PDE3B: variants seen among roughly 807,000 people sequenced by gnomAD.
PDE3B encodes the protein cGMP-inhibited 3',5'-cyclic phosphodiesterase 3B.
A neutral mutation model predicts 116.8 loss-of-function variants in PDE3B; 66 were observed. That is an observed-to-expected ratio of 0.56 (90% CI 0.46 to 0.69). PDE3B has a LOEUF of 0.69. Ranked by LOEUF, PDE3B falls within the 30% of genes least tolerant of loss-of-function variation. The probability of loss-of-function intolerance (pLI) is 0.00; values close to 1 mark genes in which losing one functional copy is unlikely to be tolerated. For synonymous variants in PDE3B, 595 were observed against 533.6 expected, an observed-to-expected ratio of 1.12 and a Z score of -1.59; for missense variants, 1,384 against 1,368.1, an observed-to-expected ratio of 1.01 and a Z score of -0.18.
At chr11:14,647,148 T>C (rs1352624279) in intron 1 of PDE3B, among the ~76,000 whole-genome samples, 2 of 151,920 alleles carry the variant, frequency 1.3e-5, no homozygotes, top group Non-Finnish European at 2.9e-5. Context: ...ATCAGTACTT[T>C]TATGGAAGTA....
Position 14,843,851 on chromosome 11 carries a change from G to A in PDE3B, c.2345G>A (p.Gly782Glu). ...ETDSDGRINH[G>E]RIAYISSKSC... ...GATTCTGATGGTAGAATTAACCATG[G>A]GCGAATTGCTTATATTTCTTCGAAG... The change falls in exon 12 of 16, where the codon GGG becomes GAG. Residue 782 changes from glycine (G) to glutamate (E), a missense_variant. Transcript: ENST00000282096. 6.2e-7 allele frequency: 1 copy of A among 1,613,866 alleles called. No individual in the cohort carries two copies. The highest frequency in any genetic ancestry group is 8.5e-7 in the Non-Finnish European group (1 of 1,179,822).
At chr11:14,865,046 C>T (rs560139977) in intron 14 of PDE3B, among the ~76,000 whole-genome samples, 5 of 152,054 alleles carry the variant, frequency 3.3e-5, no homozygotes, top group Non-Finnish European at 7.4e-5. Context: ...ATCAATGAAT[C>T]CAGGAGCTGG....
intron 2 of PDE3B, among the ~76,000 whole-genome samples, chr11:14,784,514 G>A (rs1015776363): frequency 2.6e-5 from 4 of 152,050 alleles, no homozygotes; most frequent in Admixed American, 6.6e-5. Context: ...AAGGGCAACC[G>A]CTAAGAAAAC....
At chr11:14,801,566 G>A (rs1858765574) in intron 4 of PDE3B, among the ~76,000 whole-genome samples, 1 of 152,222 alleles carries the variant, frequency 6.6e-6, no homozygotes, top group Non-Finnish European at 1.5e-5. Flanking sequence ...TGGGGTGTCT[G>A]TCCGCCCCTA....
chr11:14,741,956 TC>T lies in PDE3B; in HGVS notation c.979-29979del, dbSNP rs375933108. Among the ~76,000 whole-genome samples the T allele has an allele frequency of 2.6e-3, 391 of 152,248 alleles. 2 individuals carry two copies. Among genetic ancestry groups the T allele is most frequent in the African/African-American group, 8.2e-3 (339 of 41,494 alleles). ...GGCTTGTAGAGTTTCTGCCGAGAGATCCGCTGTTAGTCTGATGGGCTTCCCT... is the reference window on the plus strand; with the variant it reads ...GGCTTGTAGAGTTTCTGCCGAGAGATCGCTGTTAGTCTGATGGGCTTCCCT... On this transcript the variant is annotated intron_variant, in intron 1 of 15. Transcript: ENST00000282096.
At chr11:14,778,233 C>T (rs1590135778) in intron 2 of PDE3B, among the ~76,000 whole-genome samples, 2 of 152,226 alleles carry the variant, frequency 1.3e-5, no homozygotes, top group South Asian at 2.1e-4. Context: ...GACTCCACCT[C>T]TGGGGGCAGG....
At chr11:14,655,730 A>G (rs1227433254) in intron 1 of PDE3B, among the ~76,000 whole-genome samples, 1 of 152,184 alleles carries the variant, frequency 6.6e-6, no homozygotes, top group Non-Finnish European at 1.5e-5. Flanking sequence ...TGAAGGACAT[A>G]TTATATAAGA....
intron 1 of PDE3B, among the ~76,000 whole-genome samples, chr11:14,727,575 T>G (rs983382158): frequency 2.0e-5 from 3 of 152,172 alleles, no homozygotes; most frequent in Non-Finnish European, 4.4e-5. Flanking sequence ...AGTTAATACT[T>G]CTTTTTCTCC....
chr11:14,883,498 T>A, the PDE3B span, among the ~76,000 whole-genome samples: 2 of 151,694 alleles, frequency 1.3e-5, no homozygotes, highest in African/African-American at 4.8e-5. Flanking sequence ...AAGCTGAAAC[T>A]GGATCCCTTC....
At chr11:14,878,362 A>C in the PDE3B span, 3 of 1,444,116 alleles carry the variant, frequency 2.1e-6, no homozygotes, top group South Asian at 1.2e-5. Context: ...TTAATGTCTA[A>C]TATTTGGATG....
At chr11:14,679,928 C>T (rs1854649890) in intron 1 of PDE3B, among the ~76,000 whole-genome samples, 1 of 151,952 alleles carries the variant, frequency 6.6e-6, no homozygotes, top group African/African-American at 2.4e-5. Context: ...CTCCTTTGCT[C>T]CATCACTGTA....
At chr11:14,834,828 T>A (rs915998802) in intron 10 of PDE3B, among the ~76,000 whole-genome samples, 154 bp from the exon 11 acceptor site, 2 of 152,272 alleles carry the variant, frequency 1.3e-5, no homozygotes, top group Non-Finnish European at 2.9e-5. Flanking sequence ...ATATTTTTTT[T>A]AATACATCAA....
intron 1 of PDE3B, among the ~76,000 whole-genome samples, chr11:14,748,689 C>A (rs1856978427): frequency 6.6e-6 from 1 of 152,084 alleles, no homozygotes; most frequent in South Asian, 2.1e-4. Flanking sequence ...TTCTCACTTT[C>A]TAACTTATTT....
intron 1 of PDE3B, among the ~76,000 whole-genome samples, chr11:14,730,421 C>T (rs1856426535): frequency 6.6e-6 from 1 of 152,204 alleles, no homozygotes; most frequent in Non-Finnish European, 1.5e-5. Context: ...ATATCCACTA[C>T]ATTTCCTTGT....
chr11:14,695,949 AT>A (rs570125194), intron 1 of PDE3B, among the ~76,000 whole-genome samples: 126 of 152,148 alleles, frequency 8.3e-4, no homozygotes, highest in African/African-American at 2.7e-3. Flanking sequence ...TGTCTTTGCT[AT>A]TGTGAATCGT....
chr11:14,807,673 A>C (rs952551145), intron 5 of PDE3B, among the ~76,000 whole-genome samples: 1 of 152,178 alleles, frequency 6.6e-6, no homozygotes, highest in African/African-American at 2.4e-5. Context: ...GGGTAGAGGA[A>C]GGGATCTGAC....
chr11:14,891,756 C>G, the PDE3B span: 15 of 1,373,616 alleles, frequency 1.1e-5, no homozygotes, highest in Non-Finnish European at 1.4e-5. Flanking sequence ...AGCCTCGGCC[C>G]GGAGTGGGTC....
In PDE3B at chr11:14,643,823, G is replaced by A. The variant is rs914157812; in HGVS notation, c.-253G>A. 5.1e-5 allele frequency: 23 copies of A among 449,316 alleles called. No homozygotes were observed. The highest frequency in any genetic ancestry group is 5.6e-4 in the Middle Eastern group (1 of 1,794). The allele number at this position is 449,316 out of a possible 1,614,324, so 27.8% of individuals were successfully genotyped here. A position where few individuals can be genotyped will look rare whatever the true frequency, so the allele number is the denominator to read the frequency against. The stretch of plus-strand genomic sequence containing the variant: ...GTCTCCAGTCCCGAGAGGTGCCCGA[G>A]GGAAAAGGAGGCGGCAGCTAAACTG... On this transcript the variant is annotated 5_prime_UTR_variant, in exon 1 of 16. Transcript: ENST00000282096.
At chr11:14,797,958 C>T (rs1183384486) in intron 4 of PDE3B, among the ~76,000 whole-genome samples, 2 of 152,168 alleles carry the variant, frequency 1.3e-5, no homozygotes, top group African/African-American at 2.4e-5. Context: ...CCAGAACTTC[C>T]ACTACCATGA....
Sources: allele counts gnomAD v4.1 joint callset (sites outside exome capture counted in the v4.1 genomes callset), GRCh38; gene constraint gnomAD v4.1.1; transcripts MANE v1.5; gene names NCBI Gene and HGNC (gene_info 2026-07-23, HGNC 2026-07-21).